TRMT11: variants seen among roughly 807,000 people sequenced by gnomAD.
The protein encoded by TRMT11 is tRNA (guanine(10)-N(2))-methyltransferase TRMT11.
In TRMT11, 53 loss-of-function variants were observed where a neutral mutation model predicts 62.8. The observed-to-expected ratio is 0.84, with a 90% confidence interval of 0.68 to 1.06. The LOEUF is 1.06. TRMT11 is among the 50% of genes least tolerant of loss of function. The pLI, the probability that TRMT11 is intolerant of heterozygous loss-of-function variation, is 0.00. For missense variants in TRMT11, 556 were observed against 553.4 expected (o/e 1.00, Z -0.05); for synonymous variants, 188 against 190.3 (o/e 0.99, Z 0.10).
chr6:126,243,350 G>C, the TRMT11 span, among the ~76,000 whole-genome samples: 6 of 152,150 alleles, frequency 3.9e-5, no homozygotes, highest in Non-Finnish European at 7.4e-5. Flanking sequence ...CTGTAAACTA[G>C]TTCAACCATT....
intron 17 of TRMT11, among the ~76,000 whole-genome samples, chr6:126,105,599 T>G (rs1238603560): frequency 6.6e-6 from 1 of 152,078 alleles, no homozygotes; most frequent in Non-Finnish European, 1.5e-5. Flanking sequence ...AGATTGTTTT[T>G]TTTTTTTAGC....
chr6:125,998,363 G>A, intron 5 of TRMT11, 48 bp downstream of exon 5: 1 of 1,355,250 alleles, frequency 7.4e-7, no homozygotes, highest in Non-Finnish European at 1.0e-6. Context: ...AATGCAGTCT[G>A]GCCATTGTTG....
At chr6:126,260,204 T>C in the TRMT11 span, among the ~76,000 whole-genome samples, 1 of 152,206 alleles carries the variant, frequency 6.6e-6, no homozygotes. Flanking sequence ...CTCTTTCTTG[T>C]TTATTTGCTA....
chr6:126,069,501 T>C (rs967102566), intron 17 of TRMT11, among the ~76,000 whole-genome samples: 1 of 152,214 alleles, frequency 6.6e-6, no homozygotes, highest in African/African-American at 2.4e-5. Context: ...TTTAATGAAG[T>C]CAACTTCTCA....
intron 8 of TRMT11, among the ~76,000 whole-genome samples, chr6:126,009,701 G>A (rs551343954): frequency 1.3e-5 from 2 of 151,964 alleles, no homozygotes; most frequent in Non-Finnish European, 2.9e-5. Context: ...TTTATTAGGT[G>A]TATATAAATG....
At chr6:126,048,647 C>T (rs1430209314) in intron 16 of TRMT11, among the ~76,000 whole-genome samples, 1 of 152,152 alleles carries the variant, frequency 6.6e-6, no homozygotes, top group African/African-American at 2.4e-5. Flanking sequence ...GCAACACATC[C>T]GCTGTTATAG....
At chr6:126,101,379 T>G (rs558825994) in intron 17 of TRMT11, among the ~76,000 whole-genome samples, 1 of 152,334 alleles carries the variant, frequency 6.6e-6, no homozygotes, top group Non-Finnish European at 1.5e-5. Context: ...TATTCTATAT[T>G]TTATAAGACT....
intron 17 of TRMT11, among the ~76,000 whole-genome samples, chr6:126,111,843 T>C (rs1001076864): frequency 2.0e-5 from 3 of 152,144 alleles, no homozygotes; most frequent in African/African-American, 7.2e-5. Context: ...GCCTTCTCTG[T>C]AAGTAACTTC....
At chr6:126,208,197 A>C (rs1778807245), downstream of TRMT11, among the ~76,000 whole-genome samples, 2 of 152,134 alleles carry the variant, frequency 1.3e-5, no homozygotes, top group Non-Finnish European at 2.9e-5. Context: ...TTCAAACTAC[A>C]TGTGCTCCTC....
intron 6 of TRMT11, 40 bp downstream of exon 6, chr6:125,998,724 T>C (rs1792011960): frequency 2.5e-6 from 4 of 1,599,444 alleles, no homozygotes; most frequent in East Asian, 4.5e-5. Flanking sequence ...GTTTGTTTTT[T>C]TGAAAGCTAC....
chr6:126,049,614 A>G (rs1776155184), intron 16 of TRMT11, among the ~76,000 whole-genome samples: 1 of 152,152 alleles, frequency 6.6e-6, no homozygotes, highest in African/African-American at 2.4e-5. Context: ...AATAATGACA[A>G]AGGAATTTAT....
intron 21 of TRMT11, among the ~76,000 whole-genome samples, chr6:126,136,360 A>G (rs1387316884): frequency 6.6e-6 from 1 of 151,758 alleles, no homozygotes; most frequent in African/African-American, 2.4e-5. Flanking sequence ...TAGTGTTTCT[A>G]TATGCCAACA....
downstream of TRMT11, among the ~76,000 whole-genome samples, chr6:126,040,731 G>A (rs150324573): frequency 7.5e-4 from 114 of 152,164 alleles, no homozygotes; most frequent in African/African-American, 2.6e-3. Flanking sequence ...CTATTTTAAT[G>A]TTTATAATAT....
chr6:126,144,166 TC>T (rs1033441671), intron 21 of TRMT11, among the ~76,000 whole-genome samples: 5 of 152,168 alleles, frequency 3.3e-5, no homozygotes, highest in African/African-American at 4.8e-5. Flanking sequence ...GGCCAATTGT[TC>T]CGTTTTGTAA....
the TRMT11 span, among the ~76,000 whole-genome samples, chr6:126,220,287 G>A: frequency 6.6e-6 from 1 of 152,160 alleles, no homozygotes; most frequent in Admixed American, 6.5e-5. Context: ...TTGGTCTACT[G>A]CATTTATTAT....
At chr6:126,152,142 G>A (rs75855361) in intron 21 of TRMT11, among the ~76,000 whole-genome samples, 5,013 of 150,746 alleles carry the variant, frequency 0.033, 286 homozygotes, top group African/African-American at 0.12. Context: ...AAGTATGGTA[G>A]TGGGTATGTG....
At chr6:126,021,393 T>C in intron 12 of TRMT11, 113 bp downstream of exon 12, 1 of 1,296,782 alleles carries the variant, frequency 7.7e-7, no homozygotes, top group Non-Finnish European at 1.1e-6. Context: ...ATTTTAAAAA[T>C]TACAGATCAA....
At chr6:126,256,617 A>T in the TRMT11 span, among the ~76,000 whole-genome samples, 1 of 152,218 alleles carries the variant, frequency 6.6e-6, no homozygotes, top group Admixed American at 6.5e-5. Context: ...TGGAAGAGGA[A>T]TAAGAAAAGT....
chr6:126,073,606 A>G (rs191978368), intron 17 of TRMT11, among the ~76,000 whole-genome samples: 11 of 152,294 alleles, frequency 7.2e-5, no homozygotes, highest in Admixed American at 3.3e-4. Context: ...TTCATGTGAC[A>G]TGAATATAAA....
Sources: gnomAD v4.1 joint callset for allele counts (sites outside exome capture counted in the v4.1 genomes callset) on GRCh38, gnomAD v4.1.1 for gene constraint, MANE v1.5 for transcripts, NCBI Gene and HGNC (gene_info 2026-07-23, HGNC 2026-07-21) for gene names.